The following PTPRG variants were observed in gnomAD, a reference collection of about 807,000 sequenced individuals.
PTPRG encodes receptor-type tyrosine-protein phosphatase gamma.
A neutral mutation model predicts 165.3 loss-of-function variants in PTPRG; 102 were observed. The observed-to-expected ratio is 0.62, with a 90% CI of 0.53 to 0.73. The LOEUF (loss-of-function observed/expected upper bound fraction) is 0.73, where lower values mean the gene tolerates loss of function less well. PTPRG is among the 30% of genes least tolerant of loss of function. The pLI is 0.00. For synonymous variants in PTPRG, 675 were observed against 669.5 expected, an observed-to-expected ratio of 1.01 and a Z score of -0.13; for missense variants, 1,866 against 1,861.4, an observed-to-expected ratio of 1.00 and a Z score of -0.05.
intron 9 of PTPRG, among the ~76,000 whole-genome samples, chr3:62,193,321 G>A (rs1166419437): frequency 1.3e-5 from 2 of 152,206 alleles, no homozygotes; most frequent in Admixed American, 6.5e-5. Context: ...AGAAGATGGG[G>A]TCAGAGGTTT....
intron 2 of PTPRG, 126 bp from the exon 3 acceptor site, chr3:61,989,499 T>G (rs761484396): frequency 5.1e-5 from 44 of 858,230 alleles, no homozygotes; most frequent in Non-Finnish European, 7.6e-5. Context: ...ATTCATAGTT[T>G]TCAGTACATT....
intron 13 of PTPRG, among the ~76,000 whole-genome samples, chr3:62,230,457 A>G (rs906785867): frequency 2.6e-5 from 4 of 152,252 alleles, no homozygotes; most frequent in Non-Finnish European, 5.9e-5. Flanking sequence ...TTTGGAAAGA[A>G]TAGGAATCAT....
intron 2 of PTPRG, among the ~76,000 whole-genome samples, chr3:61,904,550 A>G (rs779357371): frequency 6.6e-6 from 1 of 152,174 alleles, no homozygotes; most frequent in African/African-American, 2.4e-5. Flanking sequence ...TACAGGATTT[A>G]AAACCTTCCT....
chr3:61,991,510 C>T (rs912157764), intron 3 of PTPRG, among the ~76,000 whole-genome samples: 1 of 152,212 alleles, frequency 6.6e-6, no homozygotes, highest in Admixed American at 6.5e-5. Flanking sequence ...CTGGCCTGTA[C>T]GTACCTTTTC....
intron 8 of PTPRG, among the ~76,000 whole-genome samples, chr3:62,178,666 C>A (rs553050067): frequency 1.6e-4 from 24 of 152,316 alleles, no homozygotes; most frequent in African/African-American, 5.8e-4. Context: ...GCTGTTATGG[C>A]TTGGGAGCGT....
rs1438764775 is a variant in PTPRG at position 61,922,368 on chromosome 3, A to T, written c.191-67257A>T. Among the ~76,000 whole-genome samples, 4 of 152,254 alleles carry T rather than the reference A, an allele frequency of 2.6e-5. 1 individual carries two copies. The highest frequency in any genetic ancestry group is 2.6e-4 in the Admixed American group (4 of 15,288). On this transcript the variant is annotated intron_variant, in intron 2 of 29. Coordinates refer to ENST00000474889, the MANE Select transcript of PTPRG (RefSeq NM_002841.4). The stretch of plus-strand genomic sequence containing the variant: ...CATGCAGGCTTCCTGCCTTCAAAAG[A>T]TGTGCGCTCTGGTTGGGGAGATGGA...
intron 4 of PTPRG, among the ~76,000 whole-genome samples, chr3:62,065,370 T>G (rs1700977648): frequency 6.6e-6 from 1 of 152,184 alleles, no homozygotes; most frequent in African/African-American, 2.4e-5. Flanking sequence ...AATGGGTCTT[T>G]CAGCACATGG....
intron 1 of PTPRG, among the ~76,000 whole-genome samples, chr3:61,601,701 A>T (rs1478717984): frequency 6.6e-6 from 1 of 152,164 alleles, no homozygotes; most frequent in East Asian, 1.9e-4. Flanking sequence ...AAATAATATC[A>T]GCCTTTATGG....
At chr3:62,187,109 A>G (rs1421971442) in intron 8 of PTPRG, among the ~76,000 whole-genome samples, 2 of 152,260 alleles carry the variant, frequency 1.3e-5, no homozygotes, top group African/African-American at 4.8e-5. Context: ...AATGAACCAG[A>G]CAAGACAGAA....
At chr3:61,848,995 A>G (rs2036883907) in intron 2 of PTPRG, among the ~76,000 whole-genome samples, 1 of 152,232 alleles carries the variant, frequency 6.6e-6, no homozygotes, top group Non-Finnish European at 1.5e-5. Context: ...TGTTTGTGAA[A>G]TAATGATTTC....
chr3:62,267,619 T>C (rs1185101169), intron 18 of PTPRG, 66 bp from the exon 19 acceptor site: 4 of 1,569,944 alleles, frequency 2.5e-6, no homozygotes, highest in East Asian at 2.2e-5. Context: ...TGGAAGGCAT[T>C]TGAATTATTG....
chr3:62,109,509 G>A (rs1702591761), intron 5 of PTPRG, among the ~76,000 whole-genome samples: 1 of 152,164 alleles, frequency 6.6e-6, no homozygotes, highest in African/African-American at 2.4e-5. Flanking sequence ...TCTTGCCCAG[G>A]ATTGTCTTGG....
intron 4 of PTPRG, among the ~76,000 whole-genome samples, chr3:62,052,607 A>T (rs913406385): frequency 2.6e-5 from 4 of 152,164 alleles, no homozygotes; most frequent in Admixed American, 6.5e-5. Flanking sequence ...AGTCAGGAAG[A>T]TCACCTGAGC....
intron 1 of PTPRG, among the ~76,000 whole-genome samples, chr3:61,584,130 G>C (rs116812425): frequency 1.9e-3 from 295 of 152,324 alleles, no homozygotes; most frequent in African/African-American, 6.8e-3. Flanking sequence ...CTCTGGAGGA[G>C]ACATGCTGAT....
chr3:62,115,694 GT>G (rs533851491), intron 5 of PTPRG, among the ~76,000 whole-genome samples: 74 of 150,926 alleles, frequency 4.9e-4, no homozygotes, highest in Non-Finnish European at 8.0e-4. Flanking sequence ...CTGGAGTACA[GT>G]GGGACTAATT....
chr3:61,682,321 C>T (rs566887919), intron 1 of PTPRG, among the ~76,000 whole-genome samples: 2 of 152,118 alleles, frequency 1.3e-5, no homozygotes, highest in African/African-American at 4.8e-5. Flanking sequence ...GAAATTCACT[C>T]GAGTATTTGG....
At chr3:61,970,693 T>C (rs979632240) in intron 2 of PTPRG, among the ~76,000 whole-genome samples, 2 of 152,054 alleles carry the variant, frequency 1.3e-5, no homozygotes, top group Admixed American at 1.3e-4. Flanking sequence ...ATTTGAACTC[T>C]TAAAAAAATT....
chr3:61,641,694 A>G (rs1702066727), intron 1 of PTPRG, among the ~76,000 whole-genome samples: 1 of 152,192 alleles, frequency 6.6e-6, no homozygotes, highest in Non-Finnish European at 1.5e-5. Flanking sequence ...AGTAGTGTCA[A>G]CAGATGTCTT....
At position 61,772,212 on chromosome 3, in the gene PTPRG, C is replaced by T. The variant is rs557571693; in HGVS notation, c.190+23230C>T. 5.9e-5 allele frequency among the ~76,000 whole-genome samples: 9 copies of T among 152,000 alleles called. No homozygotes were observed. The East Asian group carries it at 1.2e-3, about 20-fold the overall frequency. On this transcript the variant is annotated intron_variant, in intron 2 of 29. Transcript: ENST00000474889. ...TATACAGTTGAGGGAGGGCGTTAAG[C>T]AGGGAGGTGTAAAATATGTTCTTGG...
Sources: allele counts gnomAD v4.1 joint callset (sites outside exome capture counted in the v4.1 genomes callset), GRCh38; gene constraint gnomAD v4.1.1; transcripts MANE v1.5; gene names NCBI Gene and HGNC (gene_info 2026-07-23, HGNC 2026-07-21).